Variants in ASTN2 observed in about 807,000 individuals in gnomAD.
The protein encoded by ASTN2 is astrotactin-2.
ASTN2 carries 54 observed loss-of-function variants against 139.8 expected under a neutral mutation model. The observed-to-expected ratio is 0.39, with a 90% CI of 0.31 to 0.48. The LOEUF is 0.48. ASTN2 is among the 20% of genes least tolerant of loss of function. ASTN2 has a pLI of 0.95. For missense variants in ASTN2, 1,565 were observed against 1,725.1 expected (o/e 0.91, Z 1.64); for synonymous variants, 756 against 719.5 (o/e 1.05, Z -0.81).
intron 1 of ASTN2, among the ~76,000 whole-genome samples, chr9:117,401,664 GACACT>G (rs1280465292): frequency 6.6e-6 from 1 of 152,132 alleles, no homozygotes; most frequent in African/African-American, 2.4e-5. Context: ...TTGCAGGCTA[GACACT>G]CTCTATTGCC....
chr9:117,170,402 G>A (rs1830764242), intron 3 of ASTN2, among the ~76,000 whole-genome samples: 2 of 152,090 alleles, frequency 1.3e-5, no homozygotes, highest in African/African-American at 4.8e-5. Flanking sequence ...TTGAGCACCT[G>A]CTAGGTGACA....
At chr9:117,246,854 A>G (rs967567072) in intron 2 of ASTN2, among the ~76,000 whole-genome samples, 11 of 152,168 alleles carry the variant, frequency 7.2e-5, no homozygotes, top group Admixed American at 6.5e-4. Context: ...TAATCACCAA[A>G]GGACAGGGTG....
chr9:117,206,960 G>A (rs1178309882), intron 3 of ASTN2, among the ~76,000 whole-genome samples: 1 of 152,124 alleles, frequency 6.6e-6, no homozygotes, highest in Non-Finnish European at 1.5e-5. Context: ...AAGAGCATGA[G>A]AAACTGTCCC....
chr9:116,903,097 T>TTCACTTCCTCCTCCTCC (rs1834062860), intron 10 of ASTN2, among the ~76,000 whole-genome samples: 2 of 152,232 alleles, frequency 1.3e-5, no homozygotes, highest in South Asian at 4.1e-4. Flanking sequence ...CCTCCTCCTC[T>TTCACTTCCTCCTCCTCC]TCACTTCCTC....
intron 16 of ASTN2, among the ~76,000 whole-genome samples, chr9:116,680,867 C>T (rs1464856868): frequency 2.0e-5 from 3 of 152,134 alleles, no homozygotes; most frequent in Admixed American, 6.5e-5. Context: ...ATTGATGGGA[C>T]GTATTTGAAA....
At chr9:116,985,899 G>A (rs901296859) in intron 7 of ASTN2, among the ~76,000 whole-genome samples, 2 of 152,170 alleles carry the variant, frequency 1.3e-5, no homozygotes, top group African/African-American at 4.8e-5. Context: ...ACACAGCCTG[G>A]TAAGGGGAAA....
At position 117,089,142 on chromosome 9, in the gene ASTN2, C is replaced by T. The variant is rs144652073; in HGVS notation, c.1276+6902G>A. On this transcript the variant is annotated intron_variant, in intron 5 of 22. Transcript: ENST00000313400. ...GGGTTGCTTATTCCACACATACAGG[C>T]TAAACTACAACGGGGCTCAGTCTTG... 2.3e-3 allele frequency among the ~76,000 whole-genome samples: 352 copies of T among 152,328 alleles called. 2 individuals are homozygous for T. The highest frequency in any genetic ancestry group is 8.2e-3 in the African/African-American group (339 of 41,578).
At chr9:117,274,544 C>A (rs751937407) in intron 2 of ASTN2, among the ~76,000 whole-genome samples, 1 of 152,216 alleles carries the variant, frequency 6.6e-6, no homozygotes, top group Admixed American at 6.5e-5. Context: ...TGCTTTATCT[C>A]ATTTCATTCC....
intron 4 of ASTN2, among the ~76,000 whole-genome samples, chr9:117,106,145 C>A (rs949981591): frequency 1.1e-4 from 16 of 152,312 alleles, no homozygotes; most frequent in African/African-American, 3.6e-4. Flanking sequence ...CTGTTAGCTT[C>A]CCTTTATGAT....
intron 6 of ASTN2, among the ~76,000 whole-genome samples, chr9:117,028,413 G>A (rs62564879): frequency 0.039 from 5,876 of 152,252 alleles, 161 homozygotes; most frequent in Middle Eastern, 0.065. Flanking sequence ...GGGTAGCAGC[G>A]CTGGGGAAGG....
At chr9:117,258,365 G>A (rs1455055919) in intron 2 of ASTN2, among the ~76,000 whole-genome samples, 1 of 152,072 alleles carries the variant, frequency 6.6e-6, no homozygotes, top group East Asian at 1.9e-4. Context: ...TTGTTACCAC[G>A]CAGCTCAGCC....
chr9:117,009,179 T>C (rs1837443091), intron 6 of ASTN2, among the ~76,000 whole-genome samples: 1 of 152,206 alleles, frequency 6.6e-6, no homozygotes, highest in South Asian at 2.1e-4. Context: ...AGAAGCTAAA[T>C]ATTAACATTT....
At chr9:116,856,171 A>C (rs1055202695) in intron 11 of ASTN2, among the ~76,000 whole-genome samples, 5 of 152,212 alleles carry the variant, frequency 3.3e-5, no homozygotes, top group Non-Finnish European at 7.3e-5. Context: ...AAAAAGAAAA[A>C]TAGGGCAACC....
intron 19 of ASTN2, among the ~76,000 whole-genome samples, chr9:116,502,235 C>G (rs569703621): frequency 1.6e-4 from 24 of 151,106 alleles, no homozygotes; most frequent in Non-Finnish European, 3.1e-4. Flanking sequence ...TAGAGACACA[C>G]AGAGAGAGAC....
intron 3 of ASTN2, among the ~76,000 whole-genome samples, chr9:117,211,307 C>G (rs1360003033): frequency 3.3e-5 from 5 of 152,222 alleles, no homozygotes; most frequent in Non-Finnish European, 7.3e-5. Context: ...TGGTTTGGCT[C>G]TGTGTCTTCA....
In ASTN2 at chr9:117,149,279, A is replaced by T. The variant is rs575145265; in HGVS notation, c.1016-7801T>A. 4.4e-4 allele frequency among the ~76,000 whole-genome samples: 67 copies of T among 152,212 alleles called. No homozygotes were observed. In the South Asian group the frequency reaches 0.014, roughly 32 times the overall value. On this transcript the variant is annotated intron_variant, in intron 3 of 22. Coordinates refer to ENST00000313400, the MANE Select transcript of ASTN2 (RefSeq NM_001365068.1). ...GTGATCCACCTGCCTCAGCCTCTCAAAGTGCTGGGATTACAGGCATGAGCC... is the reference window on the plus strand; with the variant it reads ...GTGATCCACCTGCCTCAGCCTCTCATAGTGCTGGGATTACAGGCATGAGCC...
At chr9:117,320,155 C>A (rs72764151) in intron 1 of ASTN2, among the ~76,000 whole-genome samples, 10,335 of 152,186 alleles carry the variant, frequency 0.068, 517 homozygotes, top group Non-Finnish European at 0.1. Context: ...TGTTTGAGCA[C>A]AGAGAAAACT....
chr9:116,759,414 G>A (rs891367669), intron 13 of ASTN2, among the ~76,000 whole-genome samples: 2 of 152,086 alleles, frequency 1.3e-5, no homozygotes, highest in Non-Finnish European at 2.9e-5. Context: ...TACCTATGAG[G>A]GCTCTGAGAT....
intron 10 of ASTN2, among the ~76,000 whole-genome samples, chr9:116,876,022 T>C (rs1833286822): frequency 6.6e-6 from 1 of 152,238 alleles, no homozygotes; most frequent in Non-Finnish European, 1.5e-5. Context: ...TTTGTAAGGT[T>C]ATAGTTTTCA....
Sources: allele counts gnomAD v4.1 joint callset (sites outside exome capture counted in the v4.1 genomes callset), GRCh38; gene constraint gnomAD v4.1.1; transcripts MANE v1.5; gene names NCBI Gene and HGNC (gene_info 2026-07-23, HGNC 2026-07-21).